FOXN2: variants seen among roughly 807,000 people sequenced by gnomAD.
FOXN2 encodes forkhead box N2, also known as forkhead box protein N2.
Under a neutral mutation model 41.2 loss-of-function variants are expected in FOXN2, and 19 were observed. That is an observed-to-expected ratio of 0.46 (90% CI 0.32 to 0.68). The LOEUF (loss-of-function observed/expected upper bound fraction) is 0.68, where lower values mean the gene tolerates loss of function less well. FOXN2 is among the 30% of genes least tolerant of loss of function. The pLI is 0.03. For synonymous variants in FOXN2, 195 were observed against 176.8 expected, an observed-to-expected ratio of 1.10 and a Z score of -0.82; for missense variants, 587 against 509.4, an observed-to-expected ratio of 1.15 and a Z score of -1.47.
At chr2:48,367,224 G>C (rs765906559) in intron 5 of FOXN2, among the ~76,000 whole-genome samples, 4 of 152,118 alleles carry the variant, frequency 2.6e-5, no homozygotes, top group Non-Finnish European at 4.4e-5. Context: ...CAATAGTTTG[G>C]TTTGGTGTGT....
chr2:48,375,536 G>C lies in FOXN2; in HGVS notation c.*93G>C, dbSNP rs1673198975. 8.2e-7 allele frequency: 1 copy of C among 1,224,300 alleles called. No individual in the cohort carries two copies. The highest frequency in any genetic ancestry group is 1.1e-6 in the Non-Finnish European group (1 of 903,974). 75.8% of individuals were successfully genotyped at this position (1,224,300 alleles called of 1,614,324 possible). On this transcript the variant is annotated 3_prime_UTR_variant, in exon 7 of 7. Coordinates refer to ENST00000340553, the MANE Select transcript of FOXN2 (RefSeq NM_002158.4). ...CTTCATTAGTTTTAGGGTAGGGAAGGGATACTAATTACTTATTTCTTTCAA... is the reference window on the plus strand; with the variant it reads ...CTTCATTAGTTTTAGGGTAGGGAAGCGATACTAATTACTTATTTCTTTCAA...
At chr2:48,373,465 A>C in intron 6 of FOXN2, 105 bp downstream of exon 6, 1 of 669,768 alleles carries the variant, frequency 1.5e-6, no homozygotes, top group Non-Finnish European at 2.6e-6. Context: ...TTCCAACCAA[A>C]TTGTATTTTG....
At chr2:48,339,507 A>G (rs1670597636) in intron 2 of FOXN2, among the ~76,000 whole-genome samples, 1 of 152,202 alleles carries the variant, frequency 6.6e-6, no homozygotes, top group Non-Finnish European at 1.5e-5. Context: ...CTCCCCAGCC[A>G]TGCAAAACTA....
rs59629547 is a variant in FOXN2, at chr2:48,364,947, T to G, written c.703+2240T>G. 2.2e-3 allele frequency among the ~76,000 whole-genome samples: 339 copies of G among 152,318 alleles called. 3 individuals are homozygous for G. The highest frequency in any genetic ancestry group is 7.9e-3 in the African/African-American group (328 of 41,570). ...TTGAAGATATTTCTCCTGTAGGTTA[T>G]TTAATCTGAAGAACTTTAATTTTAA... On this transcript the variant is annotated intron_variant, in intron 5 of 6. Transcript: ENST00000340553.
chr2:48,351,138 T>C (rs1290807941), intron 3 of FOXN2, among the ~76,000 whole-genome samples: 1 of 151,958 alleles, frequency 6.6e-6, no homozygotes, highest in Non-Finnish European at 1.5e-5. Flanking sequence ...TTTTTTCTAA[T>C]TTTAGTAGAG....
At chr2:48,345,425 A>G (rs1671035381) in intron 2 of FOXN2, among the ~76,000 whole-genome samples, 1 of 152,126 alleles carries the variant, frequency 6.6e-6, no homozygotes, top group Non-Finnish European at 1.5e-5. Flanking sequence ...CTAGTGACCT[A>G]TTGCATAGCA....
intron 3 of FOXN2, 133 bp downstream of exon 3, chr2:48,346,884 CATTT>C: frequency 1.5e-6 from 1 of 674,228 alleles, no homozygotes; most frequent in Non-Finnish European, 2.3e-6. Flanking sequence ...GAATTATATT[CATTT>C]GTTTTCACTT....
In FOXN2 at chr2:48,346,456, T is replaced by C. The variant is rs779580829; in HGVS notation, c.242T>C (p.Ile81Thr). 2.5e-6 allele frequency: 4 copies of C among 1,614,206 alleles called. No individual in the cohort carries two copies. The highest frequency in any genetic ancestry group is 1.3e-5 in the African/African-American group (1 of 75,050). The change falls in exon 3 of 7, where the codon ATT becomes ACT. Residue 81 changes from isoleucine to threonine, a missense_variant. Transcript: ENST00000340553. The part of the protein sequence containing the change: ...NFSLGSEGLP[I>T]VSPLYDIEGD... ...AGCCTCGGAAGTGAGGGTCTTCCAA[T>C]TGTTAGTCCATTGTATGACATAGAG...
chr2:48,370,157 G>T (rs1230756949), intron 5 of FOXN2, among the ~76,000 whole-genome samples: 2 of 152,150 alleles, frequency 1.3e-5, no homozygotes, highest in Admixed American at 6.5e-5. Flanking sequence ...CATTCCATTC[G>T]TCTAGCTGTG....
rs10167097 is a variant in FOXN2, at chr2:48,361,859, C to G, written c.639-784C>G. On this transcript the variant is annotated intron_variant, in intron 4 of 6. Transcript: ENST00000340553. ...TTTATTAATAAAATCAGGAACATAC[C>G]TGTTTGCTATCACTACCAAGTGTTC... Among the ~76,000 whole-genome samples the G allele has an allele frequency of 5.2e-3, 785 of 152,186 alleles. 10 individuals carry two copies. The highest frequency in any genetic ancestry group is 0.018 in the African/African-American group (746 of 41,528).
At chr2:48,322,534 C>A (rs1669399044) in intron 1 of FOXN2, among the ~76,000 whole-genome samples, 1 of 152,022 alleles carries the variant, frequency 6.6e-6, no homozygotes, top group Non-Finnish European at 1.5e-5. Flanking sequence ...TGCACTCCCC[C>A]CTCCTTTTTT....
chr2:48,372,550 G>A (rs867979698), intron 5 of FOXN2, among the ~76,000 whole-genome samples: 3 of 151,612 alleles, frequency 2.0e-5, no homozygotes, highest in Non-Finnish European at 4.4e-5. Context: ...CTTTTCTTTA[G>A]TTATTCAGAC....
chr2:48,345,461 A>G (rs934989992), intron 2 of FOXN2, among the ~76,000 whole-genome samples: 1 of 152,126 alleles, frequency 6.6e-6, no homozygotes, highest in Non-Finnish European at 1.5e-5. Flanking sequence ...ATAATAATGT[A>G]TATTTCAAAA....
At chr2:48,352,802 C>T (rs1030408749) in intron 3 of FOXN2, among the ~76,000 whole-genome samples, 3 of 151,842 alleles carry the variant, frequency 2.0e-5, no homozygotes, top group Non-Finnish European at 4.4e-5. Flanking sequence ...ATTTTATAAC[C>T]AAAAAAGTGA....
chr2:48,325,356 A>G (rs781070083), intron 1 of FOXN2, among the ~76,000 whole-genome samples: 6 of 152,218 alleles, frequency 3.9e-5, no homozygotes, highest in Non-Finnish European at 8.8e-5. Context: ...TGTTACCAAT[A>G]AGCATTCAAT....
chr2:48,366,080 G>A (rs62137013), intron 5 of FOXN2, among the ~76,000 whole-genome samples: 28,292 of 152,016 alleles, frequency 0.19, 2,905 homozygotes, highest in South Asian at 0.27. Context: ...ACTTTGGCTG[G>A]GCACAGTGGC....
At chr2:48,352,380 T>C (rs1412601900) in intron 3 of FOXN2, among the ~76,000 whole-genome samples, 1 of 152,224 alleles carries the variant, frequency 6.6e-6, no homozygotes, top group Non-Finnish European at 1.5e-5. Flanking sequence ...TCATCTTTTC[T>C]TTGATTTGTA....
intron 2 of FOXN2, among the ~76,000 whole-genome samples, chr2:48,344,399 A>T (rs895114996): frequency 5.9e-5 from 9 of 152,332 alleles, no homozygotes; most frequent in Admixed American, 1.3e-4. Context: ...ATTGGTGCTC[A>T]TGGGTGTTGT....
At chr2:48,332,288 G>A (rs1670064579) in intron 2 of FOXN2, among the ~76,000 whole-genome samples, 1 of 152,126 alleles carries the variant, frequency 6.6e-6, no homozygotes, top group African/African-American at 2.4e-5. Context: ...AGACAAAGCT[G>A]TTAATAATTT....
Sources: allele counts gnomAD v4.1 joint callset (sites outside exome capture counted in the v4.1 genomes callset), GRCh38; gene constraint gnomAD v4.1.1; transcripts MANE v1.5; gene names NCBI Gene and HGNC (gene_info 2026-07-23, HGNC 2026-07-21).